The following NCEH1 variants were observed in gnomAD, a reference collection of about 807,000 sequenced individuals.
The protein encoded by NCEH1 is neutral cholesterol ester hydrolase 1.
A neutral mutation model predicts 25.4 loss-of-function variants in NCEH1; 9 were observed. The ratio of observed to expected loss-of-function variants is 0.35; its 90% confidence interval spans 0.21 to 0.62. The LOEUF (loss-of-function observed/expected upper bound fraction) is 0.62, where lower values mean the gene tolerates loss of function less well. Among genes scored for constraint, NCEH1 ranks in the 20% least tolerant of loss-of-function variants. NCEH1 has a pLI of 0.72. For missense variants in NCEH1, 412 were observed against 501.1 expected (o/e 0.82, Z 1.70); for synonymous variants, 200 against 199.8 (o/e 1.00, Z -0.01).
At chr3:172,695,859 G>A (rs866161118) in intron 1 of NCEH1, among the ~76,000 whole-genome samples, 5 of 151,934 alleles carry the variant, frequency 3.3e-5, no homozygotes, top group Non-Finnish European at 7.4e-5. Context: ...CAGGAGAATC[G>A]CTTGAACCTA....
chr3:172,634,163 G>T, intron 4 of NCEH1, 71 bp from the exon 5 acceptor site: 2 of 1,391,728 alleles, frequency 1.4e-6, no homozygotes, highest in Non-Finnish European at 2.0e-6. Flanking sequence ...ACCCTGTAGA[G>T]TAGCTTCATG....
At chr3:172,648,752 G>A (rs1407449511) in intron 1 of NCEH1, among the ~76,000 whole-genome samples, 1 of 152,160 alleles carries the variant, frequency 6.6e-6, no homozygotes, top group Non-Finnish European at 1.5e-5. Context: ...AAGCTTTTTA[G>A]AAATGAGGCA....
chr3:172,639,235 T>C lies in NCEH1; in HGVS notation c.438-3148A>G, dbSNP rs573624392. Among the ~76,000 whole-genome samples, 30 of 149,966 alleles carry C rather than the reference T, an allele frequency of 2.0e-4. No homozygotes were observed. The South Asian group carries it at 5.3e-3, about 26-fold the overall frequency. ...ATCGCTTGAACCAGGGAGTTGGAGG[T>C]TGCAGTGAGCCGAGATCACGCCACT... On this transcript the variant is annotated intron_variant, in intron 3 of 4. Transcript: ENST00000475381.
At chr3:172,668,348 A>ATTTTTTTTTTTTTTT (rs1200625132) in intron 1 of NCEH1, among the ~76,000 whole-genome samples, 1 of 78,976 alleles carries the variant, frequency 1.3e-5, no homozygotes, top group Non-Finnish European at 2.2e-5. Context: ...AAAAGGAAGC[A>ATTTTTTTTTTTTTTT]TTTTTTTTTT....
intron 1 of NCEH1, among the ~76,000 whole-genome samples, chr3:172,651,990 G>A (rs978944035): frequency 6.6e-6 from 1 of 152,192 alleles, no homozygotes. Flanking sequence ...GGAAATGAGG[G>A]CTGTATAGAT....
intron 1 of NCEH1, among the ~76,000 whole-genome samples, chr3:172,673,261 C>G (rs749690366): frequency 6.6e-6 from 1 of 152,188 alleles, no homozygotes; most frequent in Non-Finnish European, 1.5e-5. Context: ...TCAGAAAAGC[C>G]TCCTAGTTAA....
chr3:172,665,614 C>A (rs1049307706), intron 1 of NCEH1, among the ~76,000 whole-genome samples: 1 of 152,192 alleles, frequency 6.6e-6, no homozygotes, highest in African/African-American at 2.4e-5. Context: ...GCAGGCAGGC[C>A]TCGTTGAGCT....
chr3:172,648,262 T>A, intron 1 of NCEH1, 148 bp from the exon 2 acceptor site: 2 of 890,042 alleles, frequency 2.2e-6, no homozygotes, highest in Non-Finnish European at 3.4e-6. Flanking sequence ...CAAAAACCAA[T>A]TGTATTTACC....
At chr3:172,706,351 G>T (rs1713985143) in intron 1 of NCEH1, among the ~76,000 whole-genome samples, 1 of 152,040 alleles carries the variant, frequency 6.6e-6, no homozygotes, top group South Asian at 2.1e-4. Context: ...AATAGTGTAT[G>T]ATCTATTTTG....
chr3:172,661,167 G>A (rs972873135), intron 1 of NCEH1, among the ~76,000 whole-genome samples: 2 of 152,178 alleles, frequency 1.3e-5, no homozygotes, highest in Admixed American at 6.5e-5. Flanking sequence ...GTAAGGAAGG[G>A]ATCCAGTTTC....
intron 1 of NCEH1, among the ~76,000 whole-genome samples, chr3:172,675,331 A>AAATAAATAAATAAATAAATT (rs1368844628): frequency 4.7e-5 from 7 of 150,374 alleles, no homozygotes; most frequent in African/African-American, 1.7e-4. Flanking sequence ...ATAAATAAAT[A>AAATAAATAAATAAATAAATT]AATAAATAAA....
chr3:172,648,735 T>C (rs1188981103), intron 1 of NCEH1, among the ~76,000 whole-genome samples: 4 of 152,172 alleles, frequency 2.6e-5, no homozygotes, highest in Non-Finnish European at 5.9e-5. Context: ...AGCTCAGATA[T>C]AACCAGAAGC....
chr3:172,635,009 C>T (rs11923429), intron 4 of NCEH1, among the ~76,000 whole-genome samples: 1,567 of 152,254 alleles, frequency 0.01, 21 homozygotes, highest in African/African-American at 0.029. Flanking sequence ...GCCCTGCAAT[C>T]AGATGACACT....
At chr3:172,688,605 CATATTT>C (rs1712840125) in intron 1 of NCEH1, among the ~76,000 whole-genome samples, 1 of 152,106 alleles carries the variant, frequency 6.6e-6, no homozygotes. Flanking sequence ...GAGATGATAT[CATATTT>C]ATATAAGATA....
chr3:172,663,490 A>T lies in NCEH1; in HGVS notation c.139-15376T>A, dbSNP rs144281944. Among the ~76,000 whole-genome samples the T allele has an allele frequency of 2.0e-4, 30 of 152,254 alleles. No individual in the cohort carries two copies. In the East Asian group the frequency reaches 5.8e-3, roughly 29 times the overall value. On this transcript the variant is annotated intron_variant, in intron 1 of 4. Coordinates refer to ENST00000475381, the MANE Select transcript of NCEH1 (RefSeq NM_020792.6). The stretch of plus-strand genomic sequence containing the variant: ...TGTCTATTAGGTCTGCTTGGTGTAG[A>T]GCTGAGTTCAAGTCCTGGATATTTT...
intron 1 of NCEH1, among the ~76,000 whole-genome samples, chr3:172,675,323 A>T (rs201585739): frequency 0.14 from 20,186 of 144,646 alleles, 1,541 homozygotes; most frequent in African/African-American, 0.2. Flanking sequence ...ATAAATAAAT[A>T]AATAAATAAA....
chr3:172,673,038 G>C (rs967912549), intron 1 of NCEH1, among the ~76,000 whole-genome samples: 2 of 152,140 alleles, frequency 1.3e-5, no homozygotes, highest in Non-Finnish European at 2.9e-5. Flanking sequence ...GGTGATACTG[G>C]ACATTGAAGA....
chr3:172,677,252 A>G (rs1577077569), intron 1 of NCEH1, among the ~76,000 whole-genome samples: 1 of 152,250 alleles, frequency 6.6e-6, no homozygotes, highest in East Asian at 1.9e-4. Flanking sequence ...AAGTGCAGGA[A>G]GTGGCAAATT....
chr3:172,685,170 T>C (rs1712628864), intron 1 of NCEH1, among the ~76,000 whole-genome samples: 1 of 151,814 alleles, frequency 6.6e-6, no homozygotes, highest in Non-Finnish European at 1.5e-5. Flanking sequence ...GGTACATGCC[T>C]GTGGTCCCAG....
Sources: gnomAD v4.1 joint callset for allele counts (sites outside exome capture counted in the v4.1 genomes callset) on GRCh38, gnomAD v4.1.1 for gene constraint, MANE v1.5 for transcripts, NCBI Gene and HGNC (gene_info 2026-07-23, HGNC 2026-07-21) for gene names.